FGD4: variants seen among roughly 807,000 people sequenced by gnomAD.
FGD4 encodes FYVE, RhoGEF and PH domain containing 4.
In FGD4, 42 loss-of-function variants were observed where a neutral mutation model predicts 102.0. That is an observed-to-expected ratio of 0.41 (90% confidence interval 0.32 to 0.53). The LOEUF is 0.53. Ranked by LOEUF, FGD4 falls within the 20% of genes least tolerant of loss-of-function variation. The pLI, the probability that FGD4 is intolerant of heterozygous loss-of-function variation, is 0.21. For synonymous variants in FGD4, 380 were observed against 375.7 expected, an observed-to-expected ratio of 1.01 and a Z score of -0.13; for missense variants, 902 against 1,078.2, an observed-to-expected ratio of 0.84 and a Z score of 2.29.
At position 32,606,246 on chromosome 12, in the gene FGD4, G is replaced by A. The variant is rs74237196; in HGVS notation, c.1405-1711G>A. Among the ~76,000 whole-genome samples the A allele has an allele frequency of 6.6e-4, 100 of 151,646 alleles. No homozygotes were observed. In the East Asian group the frequency reaches 0.017, roughly 26 times the overall value. On this transcript the variant is annotated intron_variant, in intron 7 of 16. Coordinates refer to ENST00000534526, the MANE Select transcript of FGD4 (RefSeq NM_001370298.3). ...CTCTCAGCTTCTATGCCAATTTCAG[G>A]CCCTTATTATTTTCTTCCTGGTCTA...
intron 3 of FGD4, among the ~76,000 whole-genome samples, chr12:32,578,498 G>A (rs143806846): frequency 6.6e-6 from 1 of 152,256 alleles, no homozygotes; most frequent in Admixed American, 6.5e-5. Flanking sequence ...ATCTGTTAGA[G>A]TGGAGTCTGG....
At chr12:32,468,050 A>AT (rs1008210218) in intron 1 of FGD4, among the ~76,000 whole-genome samples, 14 of 151,610 alleles carry the variant, frequency 9.2e-5, no homozygotes, top group African/African-American at 3.1e-4. Flanking sequence ...TTTAATTATA[A>AT]TTTTTTTTCT....
intron 1 of FGD4, among the ~76,000 whole-genome samples, chr12:32,542,829 G>T (rs1942946223): frequency 6.6e-6 from 1 of 152,084 alleles, no homozygotes; most frequent in Non-Finnish European, 1.5e-5. Context: ...GATTTCTCAA[G>T]GCTCCTAACT....
At chr12:32,498,154 C>A (rs1191771465) in intron 1 of FGD4, among the ~76,000 whole-genome samples, 1 of 152,202 alleles carries the variant, frequency 6.6e-6, no homozygotes, top group Non-Finnish European at 1.5e-5. Context: ...GGCTTAAACA[C>A]ATAACTCCCA....
At position 32,483,709 on chromosome 12, in the gene FGD4, C is replaced by T. The variant is rs1943821739; in HGVS notation, c.167-80428C>T. Among the ~76,000 whole-genome samples, 4 of 152,236 alleles carry T rather than the reference C, an allele frequency of 2.6e-5. No homozygotes were observed. In the South Asian group the frequency reaches 6.2e-4, roughly 24 times the overall value. On this transcript the variant is annotated intron_variant, in intron 1 of 16. Transcript: ENST00000534526. ...AGGGAACCAAAAATGCTGACATCCTCATTTGACATCTTCACTCCAGCCTGT... is the reference window on the plus strand; with the variant it reads ...AGGGAACCAAAAATGCTGACATCCTTATTTGACATCTTCACTCCAGCCTGT...
In FGD4 at chr12:32,504,801, A is replaced by G. The variant is rs199668073; in HGVS notation, c.167-59336A>G. Among the ~76,000 whole-genome samples, 4 of 152,354 alleles carry G rather than the reference A, an allele frequency of 2.6e-5. No homozygotes were observed. In the East Asian group the frequency reaches 7.7e-4, roughly 29 times the overall value. Reference sequence around the variant, plus strand: ...TTGAGTAGGCAGCAAATCAACCAGCATTAGTTCAGCATACGCAGTCAAGTC... The same window carrying G: ...TTGAGTAGGCAGCAAATCAACCAGCGTTAGTTCAGCATACGCAGTCAAGTC... On this transcript the variant is annotated intron_variant, in intron 1 of 16. Transcript: ENST00000534526.
intron 1 of FGD4, among the ~76,000 whole-genome samples, chr12:32,552,434 A>ATT (rs66646521): frequency 0.14 from 16,497 of 119,452 alleles, 1,489 homozygotes; most frequent in Non-Finnish European, 0.2. Flanking sequence ...TAATTTTTGC[A>ATT]TTTTTTTTTT....
intron 2 of FGD4, among the ~76,000 whole-genome samples, chr12:32,566,699 T>C (rs1420593931): frequency 1.3e-5 from 2 of 152,170 alleles, no homozygotes; most frequent in East Asian, 1.9e-4. Context: ...TCTTACTCTT[T>C]AGTGGAGAGA....
intron 1 of FGD4, among the ~76,000 whole-genome samples, chr12:32,473,301 ACT>A (rs1024378336): frequency 6.6e-5 from 10 of 151,600 alleles, no homozygotes; most frequent in African/African-American, 1.7e-4. Flanking sequence ...CTTTGCAATA[ACT>A]CTTGCTACTG....
chr12:32,446,960 A>G (rs1368886012), intron 1 of FGD4, among the ~76,000 whole-genome samples: 1 of 152,246 alleles, frequency 6.6e-6, no homozygotes, highest in Non-Finnish European at 1.5e-5. Context: ...TGTGAGCAGC[A>G]GACAGTTCAG....
chr12:32,617,625 T>C (rs542010401), intron 10 of FGD4, among the ~76,000 whole-genome samples: 1 of 152,344 alleles, frequency 6.6e-6, no homozygotes, highest in East Asian at 1.9e-4. Context: ...TCACTACTTC[T>C]AAGCTATGGG....
chr12:32,521,847 A>G (rs932481308), intron 1 of FGD4, among the ~76,000 whole-genome samples: 18 of 152,192 alleles, frequency 1.2e-4, no homozygotes, highest in African/African-American at 4.3e-4. Context: ...ATACGAGATT[A>G]TTTAAGTTCC....
rs1362722659 is a variant in FGD4 at position 32,506,688 on chromosome 12, GTTGCATTC to G, written c.167-57448_167-57441del. 6.6e-6 allele frequency among the ~76,000 whole-genome samples: 1 copy of G among 152,084 alleles called. No homozygotes were observed. Among genetic ancestry groups the G allele is most frequent in the Non-Finnish European group, 1.5e-5 (1 of 68,030 alleles). ...GACATTCACTGTCTTCATTGTTAAC[GTTGCATTC>G]ATTCATCAGATATTTCTTGCACATT... is the stretch of plus-strand genomic sequence containing the variant. On this transcript the variant is annotated intron_variant, in intron 1 of 16. Transcript: ENST00000534526. This position sits in a 1 kb window ranked among gnomAD's most constrained non-coding sequence, Gnocchi z 4.5.
intron 1 of FGD4, among the ~76,000 whole-genome samples, chr12:32,563,227 G>T (rs1565845079): frequency 6.7e-6 from 1 of 148,366 alleles, no homozygotes; most frequent in Non-Finnish European, 1.5e-5. Flanking sequence ...GGGCAGAGGG[G>T]CTCCTCACTT....
chr12:32,610,202 C>T (rs1005661849), intron 8 of FGD4, among the ~76,000 whole-genome samples: 1 of 152,184 alleles, frequency 6.6e-6, no homozygotes, highest in African/African-American at 2.4e-5. Context: ...GCTGTGTGAC[C>T]TCAGCCAAGT....
rs1338718793 is a variant in FGD4, at chr12:32,595,025, C to T, written c.1012-3472C>T. 8.1e-5 allele frequency among the ~76,000 whole-genome samples: 9 copies of T among 111,674 alleles called. No homozygotes were observed. In the South Asian group the frequency reaches 8.2e-4, roughly 10 times the overall value. 73.3% of individuals were successfully genotyped at this position (111,674 alleles called of 152,430 possible). ...CAGCCTGGGTGACAGAGCGAGACTC[C>T]GTCTAAAAAAAAAAAAAAAAACAAC... On this transcript the variant is annotated intron_variant, in intron 4 of 16. Coordinates refer to ENST00000534526, the MANE Select transcript of FGD4 (RefSeq NM_001370298.3).
chr12:32,524,901 G>A (rs1940982783), intron 1 of FGD4, among the ~76,000 whole-genome samples: 2 of 152,024 alleles, frequency 1.3e-5, no homozygotes, highest in South Asian at 4.1e-4. Context: ...CATAGAAATT[G>A]TTGATTAGGA....
At chr12:32,447,039 TTTTG>T (rs1942637058) in intron 1 of FGD4, among the ~76,000 whole-genome samples, 1 of 152,224 alleles carries the variant, frequency 6.6e-6, no homozygotes, top group Non-Finnish European at 1.5e-5. Flanking sequence ...TGTCCCTTTA[TTTTG>T]TTTGAGTCCC....
In FGD4 at chr12:32,420,518, C is replaced by G. The variant is rs2136415209; in HGVS notation, c.166+20559C>G. Among the ~76,000 whole-genome samples, 2 of 152,222 alleles carry G rather than the reference C, an allele frequency of 1.3e-5. 1 individual carries two copies. The highest frequency in any genetic ancestry group is 4.1e-4 in the South Asian group (2 of 4,832). On this transcript the variant is annotated intron_variant, in intron 1 of 16. Transcript: ENST00000534526. ...AGAAAATTCCCTAAAACCTGAATTT[C>G]AACACAGACCCACACAGTTTTCTGC...
Sources: gnomAD v4.1 joint callset for allele counts (sites outside exome capture counted in the v4.1 genomes callset) on GRCh38, gnomAD v4.1.1 for gene constraint, Gnocchi (gnomAD v3.1) non-coding constraint, MANE v1.5 for transcripts, NCBI Gene and HGNC (gene_info 2026-07-23, HGNC 2026-07-21) for gene names.